Variants in FAM120B observed in about 807,000 individuals in gnomAD.
FAM120B encodes family with sequence similarity 120 member B.
Under a neutral mutation model 96.3 loss-of-function variants are expected in FAM120B, and 83 were observed. That is an observed-to-expected ratio of 0.86 (90% CI 0.72 to 1.03). The LOEUF is 1.03. FAM120B is among the 50% of genes least tolerant of loss of function. The probability of loss-of-function intolerance (pLI) is 0.00; values close to 1 mark genes in which losing one functional copy is unlikely to be tolerated. For missense variants in FAM120B, 1,027 were observed against 1,121.2 expected (o/e 0.92, Z 1.20); for synonymous variants, 407 against 402.7 (o/e 1.01, Z -0.13).
chr6:170,333,369 G>C (rs1786194100), intron 4 of FAM120B, among the ~76,000 whole-genome samples: 1 of 152,146 alleles, frequency 6.6e-6, no homozygotes, highest in Non-Finnish European at 1.5e-5. Context: ...CTGGCACCTT[G>C]ATCTTGGGCT....
In FAM120B at chr6:170,361,221, T is replaced by TACAC. The variant is rs1280569220; in HGVS notation, c.2283+2904_2283+2905insCACA. Among the ~76,000 whole-genome samples, 24 of 96,802 alleles carry TACAC rather than the reference T, an allele frequency of 2.5e-4. 2 individuals carry two copies. In the East Asian group the frequency reaches 0.01, roughly 42 times the overall value. The allele number at this position is 96,802 out of a possible 152,430, so 63.5% of individuals were successfully genotyped here. A position where few individuals can be genotyped will look rare whatever the true frequency, so the allele number is the denominator to read the frequency against. On this transcript the variant is annotated intron_variant, in intron 6 of 10. Transcript: ENST00000476287. ...GTGTATATATATATATATATATATA[T>TACAC]ATATATATATATATACACGTATATA...
At chr6:170,297,576 C>A (rs575616998) in intron 1 of FAM120B, among the ~76,000 whole-genome samples, 1 of 151,606 alleles carries the variant, frequency 6.6e-6, no homozygotes, top group East Asian at 1.9e-4. Flanking sequence ...CCCCGCCCCT[C>A]CCCCCGAAAA....
At chr6:170,340,898 G>A (rs1583228863) in intron 4 of FAM120B, among the ~76,000 whole-genome samples, 1 of 152,200 alleles carries the variant, frequency 6.6e-6, no homozygotes, top group East Asian at 1.9e-4. Flanking sequence ...GCCAGCCAGA[G>A]CTCTCCTGTA....
Position 170,388,694 on chromosome 6 carries a change from A to G in FAM120B, c.2490+201A>G, listed in dbSNP as rs547177443. Among the ~76,000 whole-genome samples, 9 of 152,308 alleles carry G rather than the reference A, an allele frequency of 5.9e-5. No individual in the cohort carries two copies. The South Asian group carries it at 1.5e-3, about 25-fold the overall frequency. On this transcript the variant is annotated intron_variant, in intron 7 of 10. Coordinates refer to ENST00000476287, the MANE Select transcript of FAM120B (RefSeq NM_032448.3). ...AGGCTGAATATCCCTTATCTGAAAT[A>G]CTTAGGACCAGAAGTGTTTTGGATT...
intron 7 of FAM120B, 89 bp from the exon 8 acceptor site, chr6:170,390,924 G>A (rs903567355): frequency 2.0e-5 from 20 of 1,009,408 alleles, no homozygotes; most frequent in Non-Finnish European, 3.1e-5. Flanking sequence ...GTGTGGAAGG[G>A]TGTCCCCTAA....
intron 4 of FAM120B, among the ~76,000 whole-genome samples, chr6:170,333,943 G>A (rs982502113): frequency 6.6e-6 from 1 of 152,168 alleles, no homozygotes; most frequent in African/African-American, 2.4e-5. Context: ...CTTGATGTGT[G>A]CATGTGTGTC....
chr6:170,355,681 T>C (rs1288131393), intron 5 of FAM120B, among the ~76,000 whole-genome samples: 1 of 152,176 alleles, frequency 6.6e-6, no homozygotes, highest in Non-Finnish European at 1.5e-5. Context: ...TGTTTACCTA[T>C]GTAACAAGCC....
At chr6:170,312,695 C>G (rs1784658720) in intron 1 of FAM120B, among the ~76,000 whole-genome samples, 1 of 150,874 alleles carries the variant, frequency 6.6e-6, no homozygotes, top group Admixed American at 6.7e-5. Context: ...TAGCTATAGG[C>G]TTTCTTTGAG....
intron 1 of FAM120B, among the ~76,000 whole-genome samples, chr6:170,298,535 G>A (rs199533619): frequency 1.9e-5 from 2 of 103,256 alleles, no homozygotes; most frequent in Admixed American, 2.0e-4. Context: ...TTTTTTTTTT[G>A]TTCCTTTTAG....
In FAM120B at chr6:170,328,687, C is replaced by T. The variant is rs55832931; in HGVS notation, c.1916-1762C>T. On this transcript the variant is annotated intron_variant, in intron 3 of 10. Coordinates refer to ENST00000476287, the MANE Select transcript of FAM120B (RefSeq NM_032448.3). The stretch of plus-strand genomic sequence containing the variant: ...TCCTATCAAATTTGGAAGAAATGAG[C>T]GTTTTTTTAAATAAGATTTTGTCTT... Among the ~76,000 whole-genome samples, 925 of 152,222 alleles carry T rather than the reference C, an allele frequency of 6.1e-3. 12 individuals carry two copies. Among genetic ancestry groups the T allele is most frequent in the African/African-American group, 0.021 (858 of 41,526 alleles).
At chr6:170,320,226 C>T (rs1374482476) in intron 2 of FAM120B, among the ~76,000 whole-genome samples, 1 of 152,210 alleles carries the variant, frequency 6.6e-6, no homozygotes, top group Non-Finnish European at 1.5e-5. Context: ...AAGGAAGCTC[C>T]TGCTCCTAGT....
intron 3 of FAM120B, among the ~76,000 whole-genome samples, chr6:170,329,670 C>T (rs1456917935): frequency 6.6e-6 from 1 of 151,896 alleles, no homozygotes; most frequent in Admixed American, 6.6e-5. Context: ...TCTCAGTTCT[C>T]TCCTGGAAGT....
At chr6:170,296,868 C>T (rs62425620) in intron 1 of FAM120B, among the ~76,000 whole-genome samples, 39,878 of 152,112 alleles carry the variant, frequency 0.26, 6,742 homozygotes, top group Middle Eastern at 0.37. Flanking sequence ...AGGCGTCGCA[C>T]CTGGAAATCG....
intron 1 of FAM120B, among the ~76,000 whole-genome samples, chr6:170,300,577 T>A (rs1784119588): frequency 6.6e-6 from 1 of 152,062 alleles, no homozygotes; most frequent in Admixed American, 6.5e-5. Context: ...AGCTCAAAAG[T>A]CCAAGTCCAA....
upstream of FAM120B, among the ~76,000 whole-genome samples, chr6:170,293,399 G>A (rs1023948566): frequency 2.6e-5 from 4 of 152,098 alleles, no homozygotes; most frequent in African/African-American, 9.7e-5. Context: ...AGTTCCACGC[G>A]CAAGGGCTTA....
chr6:170,367,226 CTT>C (rs1222198167), intron 6 of FAM120B, among the ~76,000 whole-genome samples: 2 of 152,230 alleles, frequency 1.3e-5, no homozygotes, highest in African/African-American at 4.8e-5. Context: ...GATACTCTCA[CTT>C]TGTCAAAAGC....
At chr6:170,304,703 C>T (rs980127082), upstream of FAM120B, among the ~76,000 whole-genome samples, 2 of 152,084 alleles carry the variant, frequency 1.3e-5, no homozygotes, top group Admixed American at 1.3e-4. Context: ...ACCTCCTGCG[C>T]ATGAGAGTTT....
rs1221121392 is a variant in FAM120B at position 170,295,354 on chromosome 6, G to A, written c.-52G>A. 2.9e-6 allele frequency: 2 copies of A among 699,466 alleles called. No homozygotes were observed. Among genetic ancestry groups the A allele is most frequent in the African/African-American group, 1.8e-5 (1 of 56,824 alleles). The allele number at this position is 699,466 out of a possible 1,614,324, so 43.3% of individuals were successfully genotyped here. ...GCCGCGCGTGGACTTACAAGCCCAC[G>A]AAGCCATCGTTCGTCACAGCCTGGA... On this transcript the variant is annotated 5_prime_UTR_variant, in exon 1 of 11. Coordinates refer to the FAM120B transcript ENST00000537664. The surrounding 1 kb of genome is among the most constrained non-coding windows in gnomAD (Gnocchi z 7.8).
Position 170,318,708 on chromosome 6 carries a change from TATACA to T in FAM120B, c.1319_1323del (p.Tyr440Ter), listed in dbSNP as rs1334288732. On this transcript the variant is annotated frameshift_variant, in exon 2 of 11. Transcript: ENST00000476287. LOFTEE classifies it high-confidence loss of function. Reference sequence around the variant, plus strand: ...TGAACCCAGGCAAGAAGTTCCCATGTATACAGACTCTGAACCCAGGCAAGAAGTTC... The same window carrying T: ...TGAACCCAGGCAAGAAGTTCCCATGTGACTCTGAACCCAGGCAAGAAGTTC... 1.3e-6 allele frequency: 2 copies of T among 1,593,224 alleles called. No individual in the cohort carries two copies. The highest frequency in any genetic ancestry group is 2.4e-5 in the East Asian group (1 of 41,956).
Sources: allele counts gnomAD v4.1 joint callset (sites outside exome capture counted in the v4.1 genomes callset), GRCh38; gene constraint gnomAD v4.1.1; non-coding constraint Gnocchi (gnomAD v3.1); transcripts MANE v1.5; gene names NCBI Gene and HGNC (gene_info 2026-07-23, HGNC 2026-07-21).